Variants in MEF2C observed in about 807,000 individuals in gnomAD.
MEF2C encodes the protein myocyte enhancer factor 2C, also known as myocyte-specific enhancer factor 2C.
In MEF2C, 6 loss-of-function variants were observed where a neutral mutation model predicts 50.5. The observed-to-expected ratio is 0.12, with a 90% CI of 0.07 to 0.23. MEF2C has a LOEUF of 0.23. Ranked by LOEUF, MEF2C falls within the 10% of genes least tolerant of loss-of-function variation. MEF2C has a pLI of 1.00. For synonymous variants in MEF2C, 183 were observed against 228.0 expected (o/e 0.80, Z 1.78); for missense variants, 276 against 605.0 (o/e 0.46, Z 5.70).
rs1755935550 is a variant in MEF2C at position 88,720,454 on chromosome 5, G to A, written c.*2150C>T. On this transcript the variant is annotated 3_prime_UTR_variant, in exon 11 of 11. Transcript: ENST00000504921. ...TTCAGATCAAGTTAAGAAAAATATAGCCTAGTTAATAAGGTCTCTTGGCTT... is the reference window on the plus strand; with the variant it reads ...TTCAGATCAAGTTAAGAAAAATATAACCTAGTTAATAAGGTCTCTTGGCTT... 6.6e-6 allele frequency: 1 copy of A among 152,398 alleles called. No individual in the cohort carries two copies. The highest frequency in any genetic ancestry group is 1.5e-5 in the Non-Finnish European group (1 of 67,976). The allele number at this position is 152,398 out of a possible 1,614,324, so 9.4% of individuals were successfully genotyped here.
chr5:88,809,114 T>C (rs1244273127), intron 2 of MEF2C, among the ~76,000 whole-genome samples: 1 of 152,150 alleles, frequency 6.6e-6, no homozygotes, highest in Non-Finnish European at 1.5e-5. Context: ...AATCTTTAAA[T>C]AGCCCCAAAT....
intron 1 of MEF2C, among the ~76,000 whole-genome samples, chr5:88,862,639 G>A (rs935023476): frequency 1.1e-4 from 16 of 151,916 alleles, no homozygotes; most frequent in African/African-American, 3.9e-4. Context: ...AAGTATTCTT[G>A]GGTAGCTCCC....
intron 7 of MEF2C, among the ~76,000 whole-genome samples, chr5:88,730,512 CTG>C (rs1760979464): frequency 6.6e-6 from 1 of 152,096 alleles, no homozygotes; most frequent in South Asian, 2.1e-4. Flanking sequence ...AAAAAAAAGA[CTG>C]TGCTTTGAAA....
intron 5 of MEF2C, 52 bp from the exon 6 acceptor site, chr5:88,749,169 CA>C: frequency 6.7e-7 from 1 of 1,503,350 alleles, no homozygotes; most frequent in Non-Finnish European, 9.0e-7. Flanking sequence ...GCCCACAGAA[CA>C]AAACACTTTA....
chr5:88,725,386 G>A (rs1314991712), intron 10 of MEF2C, among the ~76,000 whole-genome samples: 1 of 151,990 alleles, frequency 6.6e-6, no homozygotes, highest in African/African-American at 2.4e-5. Context: ...AAAATAGAAT[G>A]GCTAGTCTCT....
At chr5:88,844,643 T>C in intron 1 of MEF2C, 2 of 757,358 alleles carry the variant, frequency 2.6e-6, no homozygotes, top group Admixed American at 6.3e-5. Flanking sequence ...ATCTAACTTT[T>C]TCTCTGATTC....
chr5:88,733,339 A>T (rs1561708165), intron 6 of MEF2C: 3 of 985,162 alleles, frequency 3.0e-6, no homozygotes, highest in Admixed American at 6.2e-5. Flanking sequence ...GAGGCTCTGG[A>T]GGGATGCAGG....
chr5:88,752,433 G>A (rs535946773), intron 4 of MEF2C, among the ~76,000 whole-genome samples: 8 of 152,340 alleles, frequency 5.3e-5, no homozygotes, highest in African/African-American at 1.9e-4. Flanking sequence ...AATGCAAACC[G>A]AAGCCTTTGA....
chr5:88,897,553 T>C (rs1303089488), intron 1 of MEF2C, among the ~76,000 whole-genome samples: 1 of 152,200 alleles, frequency 6.6e-6, no homozygotes, highest in East Asian at 1.9e-4. Flanking sequence ...CAAGCCGTTT[T>C]ATCACATTTC....
chr5:88,872,113 G>A (rs1438097180), intron 1 of MEF2C, among the ~76,000 whole-genome samples: 1 of 151,750 alleles, frequency 6.6e-6, no homozygotes, highest in Non-Finnish European at 1.5e-5. Context: ...TATAATCAAA[G>A]TTGTCTAATA....
In MEF2C at chr5:88,779,916, G is replaced by A. The variant is rs951602964; in HGVS notation, c.259-18588C>T. On this transcript the variant is annotated intron_variant, in intron 3 of 10. Transcript: ENST00000504921. ...TCCCAGCACTTTGGGAGGCCAAGGC[G>A]GGTGGGTCACTTGAGGTCAGGAGTT... Among the ~76,000 whole-genome samples, 6 of 151,930 alleles carry A rather than the reference G, an allele frequency of 3.9e-5. No homozygotes were observed. The South Asian group carries it at 6.2e-4, about 16-fold the overall frequency.
At chr5:88,823,439 T>C (rs1809394285) in intron 2 of MEF2C, among the ~76,000 whole-genome samples, 1 of 151,986 alleles carries the variant, frequency 6.6e-6, no homozygotes, top group African/African-American at 2.4e-5. Context: ...AATGTTATGC[T>C]GATTAACTCT....
intron 1 of MEF2C, among the ~76,000 whole-genome samples, chr5:88,901,821 G>A (rs1835684333): frequency 6.6e-6 from 1 of 151,928 alleles, no homozygotes; most frequent in East Asian, 1.9e-4. Flanking sequence ...TTTAAAAAAT[G>A]GGATTTTAGA....
At chr5:88,764,661 A>C (rs544079798) in intron 3 of MEF2C, among the ~76,000 whole-genome samples, 1 of 152,146 alleles carries the variant, frequency 6.6e-6, no homozygotes, top group African/African-American at 2.4e-5. Context: ...ACAAAAAATA[A>C]GCCAGGCATG....
At chr5:88,732,802 C>T (rs936763906) in intron 6 of MEF2C, among the ~76,000 whole-genome samples, 1 of 152,188 alleles carries the variant, frequency 6.6e-6, no homozygotes, top group African/African-American at 2.4e-5. Context: ...TCCTCCACTG[C>T]CTCTGAAGGG....
Position 88,876,063 on chromosome 5 carries a change from GTTT to G in MEF2C, c.-143+6889_-143+6891del, listed in dbSNP as rs33921751. ...AAGAGCTGAAACTGTAGTAACTGGA[GTTT>G]TTTTTTTTTTTTTTTTTCCTTTTTA... is the stretch of plus-strand genomic sequence containing the variant. On this transcript the variant is annotated intron_variant, in intron 1 of 10. Transcript: ENST00000504921. Among the ~76,000 whole-genome samples the G allele has an allele frequency of 6.1e-3, 751 of 122,606 alleles. 9 individuals are homozygous for G. The highest frequency in any genetic ancestry group is 0.018 in the African/African-American group (588 of 32,942). The allele number at this position is 122,606 out of a possible 152,430, so 80.4% of individuals were successfully genotyped here.
intron 3 of MEF2C, among the ~76,000 whole-genome samples, chr5:88,770,408 G>T (rs1410885884): frequency 6.6e-6 from 1 of 152,076 alleles, no homozygotes; most frequent in Admixed American, 6.5e-5. Flanking sequence ...TTCAATTTGA[G>T]TCTATGCGTG....
At chr5:88,867,353 A>G (rs1267248997) in intron 1 of MEF2C, among the ~76,000 whole-genome samples, 1 of 152,182 alleles carries the variant, frequency 6.6e-6, no homozygotes, top group Non-Finnish European at 1.5e-5. Flanking sequence ...CTTAATAAGA[A>G]GAGAGTGGAC....
intron 2 of MEF2C, among the ~76,000 whole-genome samples, chr5:88,817,527 A>C (rs889813247): frequency 3.3e-5 from 5 of 151,866 alleles, no homozygotes; most frequent in Non-Finnish European, 7.4e-5. Context: ...ACAGCTATGA[A>C]CTCTGAATTC....
Sources: allele counts gnomAD v4.1 joint callset (sites outside exome capture counted in the v4.1 genomes callset), GRCh38; gene constraint gnomAD v4.1.1; transcripts MANE v1.5; gene names NCBI Gene and HGNC (gene_info 2026-07-23, HGNC 2026-07-21).